The following NRG4 variants were observed in gnomAD, a reference collection of about 807,000 sequenced individuals.
NRG4 encodes neuregulin 4, also known as pro-neuregulin-4, membrane-bound isoform.
Under a neutral mutation model 15.0 loss-of-function variants are expected in NRG4, and 10 were observed. The ratio of observed to expected loss-of-function variants is 0.67; its 90% CI spans 0.41 to 1.13. The LOEUF (loss-of-function observed/expected upper bound fraction) is 1.13. NRG4 is among the 50% of genes most tolerant of loss of function. NRG4 has a pLI of 0.00. For missense variants in NRG4, 139 were observed against 140.2 expected, an observed-to-expected ratio of 0.99 and a Z score of 0.04; for synonymous variants, 41 against 50.1, an observed-to-expected ratio of 0.82 and a Z score of 0.77.
intron 3 of NRG4, among the ~76,000 whole-genome samples, chr15:76,005,256 C>A (rs913770511): frequency 6.6e-6 from 1 of 151,870 alleles, no homozygotes. Context: ...GTGTTGTGTG[C>A]CTGTAGTCCC....
chr15:76,044,341 T>C (rs2035817849), intron 4 of NRG4, among the ~76,000 whole-genome samples: 1 of 150,208 alleles, frequency 6.7e-6, no homozygotes, highest in African/African-American at 2.5e-5. Flanking sequence ...AGAACATACT[T>C]GGGGAAAGGA....
intron 3 of NRG4, among the ~76,000 whole-genome samples, 200 bp downstream of exon 3, chr15:76,009,000 C>T (rs1055901504): frequency 6.6e-6 from 1 of 152,148 alleles, no homozygotes; most frequent in African/African-American, 2.4e-5. Flanking sequence ...TCAGAATAAA[C>T]ACCTTGATTA....
At chr15:76,053,680 C>T (rs561756059) in intron 2 of NRG4, among the ~76,000 whole-genome samples, 1 of 150,568 alleles carries the variant, frequency 6.6e-6, no homozygotes, top group South Asian at 2.1e-4. Context: ...CTCAGCCTCC[C>T]GAGTAGCTGG....
upstream of NRG4, chr15:76,060,057 G>A (rs1018614587): frequency 1.2e-3 from 168 of 143,088 alleles, 1 homozygote; most frequent in African/African-American, 4.0e-3. Flanking sequence ...AGCTTCCCCT[G>A]CCTCACTGCC....
chr15:76,017,030 T>C (rs1231644842), upstream of NRG4, among the ~76,000 whole-genome samples: 1 of 152,148 alleles, frequency 6.6e-6, no homozygotes, highest in Non-Finnish European at 1.5e-5. Context: ...GCATATATAT[T>C]TAGGATAGTT....
At chr15:75,965,651 A>G (rs1290051539) in intron 3 of NRG4, among the ~76,000 whole-genome samples, 1 of 152,242 alleles carries the variant, frequency 6.6e-6, no homozygotes, top group African/African-American at 2.4e-5. Flanking sequence ...ACTGCCTACC[A>G]ATGACTGTGT....
At chr15:75,995,623 A>G (rs1182630662) in intron 3 of NRG4, among the ~76,000 whole-genome samples, 1 of 152,222 alleles carries the variant, frequency 6.6e-6, no homozygotes, top group Non-Finnish European at 1.5e-5. Context: ...ATTAAGTACA[A>G]GTGGGAAACT....
At chr15:75,987,948 C>T (rs1347567804) in intron 3 of NRG4, among the ~76,000 whole-genome samples, 1 of 152,078 alleles carries the variant, frequency 6.6e-6, no homozygotes, top group Non-Finnish European at 1.5e-5. Flanking sequence ...ATCTAGGAAG[C>T]GTGTTTGAAG....
intron 3 of NRG4, among the ~76,000 whole-genome samples, chr15:75,963,562 G>A (rs1179385611): frequency 1.3e-5 from 2 of 151,980 alleles, no homozygotes; most frequent in East Asian, 3.9e-4. Flanking sequence ...GGCAGATCAC[G>A]AGGTCAAGAT....
chr15:76,027,378 G>GTAAATATA (rs1266510195), intron 5 of NRG4, among the ~76,000 whole-genome samples: 1 of 151,066 alleles, frequency 6.6e-6, no homozygotes, highest in Non-Finnish European at 1.5e-5. Context: ...TATAACAGTC[G>GTAAATATA]TAAATATATA....
At position 75,977,881 on chromosome 15, in the gene NRG4, A is replaced by G. The variant is rs2033436278; in HGVS notation, c.105-15907T>C. On this transcript the variant is annotated intron_variant, in intron 3 of 5. Coordinates refer to ENST00000394907, the MANE Select transcript of NRG4 (RefSeq NM_138573.4). This position sits in a 1 kb window ranked among gnomAD's most constrained non-coding sequence, Gnocchi z 4.9. ...GCCCAGGCTGGAGTGCAGTGGTGTG[A>G]TCTCGGCTCACTACAACCTCTGCCT... 6.6e-6 allele frequency among the ~76,000 whole-genome samples: 1 copy of G among 150,814 alleles called. No homozygotes were observed. Among genetic ancestry groups the G allele is most frequent in the Non-Finnish European group, 1.5e-5 (1 of 67,662 alleles).
At chr15:75,935,740 A>C (rs976394563), downstream of NRG4, 29 of 152,080 alleles carry the variant, frequency 1.9e-4, no homozygotes, top group African/African-American at 6.8e-4. Flanking sequence ...AAATTTAACA[A>C]AGTGAACATG....
intron 3 of NRG4, among the ~76,000 whole-genome samples, chr15:75,980,820 A>AT: frequency 6.6e-6 from 1 of 151,548 alleles, no homozygotes; most frequent in Non-Finnish European, 1.5e-5. Flanking sequence ...ACTAACATTC[A>AT]TTAGCTCTGT....
rs562307165 is a variant in NRG4 at position 76,008,900 on chromosome 15, G to A, written c.104+300C>T. Among the ~76,000 whole-genome samples the A allele has an allele frequency of 3.9e-5, 6 of 152,156 alleles. No homozygotes were observed. In the South Asian group the frequency reaches 1.0e-3, roughly 26 times the overall value. The stretch of plus-strand genomic sequence containing the variant: ...TTGCCAGTAATATTAAGCATAGACT[G>A]CCTTCCTTAAATTGCTAAAATCAAA... On this transcript the variant is annotated intron_variant, in intron 3 of 5. Coordinates refer to ENST00000394907, the MANE Select transcript of NRG4 (RefSeq NM_138573.4).
downstream of NRG4, chr15:75,939,652 CTGAA>C (rs1414530890): frequency 6.6e-6 from 1 of 152,146 alleles, no homozygotes; most frequent in Non-Finnish European, 1.5e-5. Context: ...TACTAGGAAA[CTGAA>C]TTTAGCAGCA....
chr15:75,954,976 C>T (rs2032146678), intron 5 of NRG4, among the ~76,000 whole-genome samples: 1 of 152,030 alleles, frequency 6.6e-6, no homozygotes, highest in African/African-American at 2.4e-5. Context: ...CAGGCAAACA[C>T]CTTTCTATGT....
chr15:75,973,562 A>G (rs913914149), intron 3 of NRG4, among the ~76,000 whole-genome samples: 1 of 152,146 alleles, frequency 6.6e-6, no homozygotes, highest in Non-Finnish European at 1.5e-5. Context: ...GCTCATTGAG[A>G]GTTTTTAGCA....
chr15:76,022,902 T>C (rs377533033), intron 5 of NRG4, among the ~76,000 whole-genome samples: 1 of 151,616 alleles, frequency 6.6e-6, no homozygotes, highest in African/African-American at 2.4e-5. Context: ...TTAATAATAG[T>C]GAAGAAATAA....
chr15:75,999,232 A>C (rs189028144), intron 3 of NRG4, among the ~76,000 whole-genome samples: 114 of 152,310 alleles, frequency 7.5e-4, no homozygotes, highest in Non-Finnish European at 1.3e-3. Context: ...TTCTGCCCTC[A>C]CAGGGCTGAC....
Sources: gnomAD v4.1 joint callset for allele counts (sites outside exome capture counted in the v4.1 genomes callset) on GRCh38, gnomAD v4.1.1 for gene constraint, Gnocchi (gnomAD v3.1) non-coding constraint, MANE v1.5 for transcripts, NCBI Gene and HGNC (gene_info 2026-07-23, HGNC 2026-07-21) for gene names.